DMD: variants seen among roughly 807,000 people sequenced by gnomAD.
The protein encoded by DMD is mutant dystrophin.
A neutral mutation model predicts 330.1 loss-of-function variants in DMD; 63 were observed. The observed-to-expected ratio is 0.19, with a 90% CI of 0.16 to 0.24. The LOEUF is 0.24. DMD is among the 10% of genes least tolerant of loss of function. DMD has a pLI of 1.00. For synonymous variants in DMD, 1,223 were observed against 959.8 expected, an observed-to-expected ratio of 1.27 and a Z score of -5.07; for missense variants, 3,344 against 2,684.1, an observed-to-expected ratio of 1.25 and a Z score of -5.43.
At chrX:32,911,046 T>C (rs930744042) in intron 2 of DMD, among the ~76,000 whole-genome samples, 2 of 111,910 alleles carry the variant, frequency 1.8e-5, no homozygotes, top group African/African-American at 6.5e-5. Context: ...AGCTGACACA[T>C]TTTACGAATT....
intron 9 of DMD, among the ~76,000 whole-genome samples, chrX:32,694,947 G>A (rs111745148): frequency 8.9e-6 from 1 of 111,986 alleles, no homozygotes; most frequent in East Asian, 2.8e-4. Flanking sequence ...GAGCCACCAC[G>A]CCCGGCCTTA....
Position 31,679,448 on chromosome X carries a change from C to A in DMD, c.7799G>T (p.Arg2600Ile), listed in dbSNP as rs747127624. The change falls in exon 53 of 79, where the codon AGA (arginine) becomes ATA (isoleucine). Residue 2600 changes from arginine to isoleucine, a missense_variant. Physicochemically the swap from Arg to Ile is moderately conservative, Grantham distance 97. Coordinates refer to ENST00000357033, the MANE Select transcript of DMD (RefSeq NM_004006.3). ...CTCCTTCCATGACTCAAGCTTGGCT[C>A]TGGCCTGTCCTAAGACCTGCTCAGC... is the stretch of plus-strand genomic sequence containing the variant. Reference protein sequence around the residue: ...EEAEQVLGQARAKLESWKEGP... With the variant: ...EEAEQVLGQAIAKLESWKEGP... The A allele has an allele frequency of 5.0e-6, 6 of 1,211,761 alleles. No individual in the cohort carries two copies. The Admixed American group carries it at 6.5e-5, about 13-fold the overall frequency.
chrX:32,365,029 A>T lies in DMD; in HGVS notation c.5016T>A (p.Asn1672Lys), dbSNP rs16990264. ...AVTSRAEEWL[N>K]LLLEYQKHME... Reference sequence around the variant, plus strand: ...TAGCCTTTTCTCTTACCAACAAAAGATTTAACCACTCTTCTGCTCGGGAGG... The same window carrying T: ...TAGCCTTTTCTCTTACCAACAAAAGTTTTAACCACTCTTCTGCTCGGGAGG... Residue 1672 changes from asparagine (N) to lysine (K), a missense_variant, in exon 35 of 79, where the codon AAT (asparagine) becomes AAA (lysine). Coordinates refer to ENST00000357033, the MANE Select transcript of DMD (RefSeq NM_004006.3). 3.9e-3 allele frequency: 4,685 copies of T among 1,208,793 alleles called. 95 individuals are homozygous for T. In the African/African-American group the frequency reaches 0.067, roughly 17 times the overall value.
intron 8 of DMD, 128 bp from the exon 9 acceptor site, chrX:32,698,126 T>A: frequency 1.4e-6 from 1 of 707,571 alleles, no homozygotes; most frequent in Non-Finnish European, 2.1e-6. Flanking sequence ...CAATGTTTAA[T>A]ACTAAACATA....
At chrX:33,041,466 G>A (rs1048519510) in intron 1 of DMD, 4 of 1,204,990 alleles carry the variant, frequency 3.3e-6, no homozygotes, top group Non-Finnish European at 4.5e-6. Context: ...AATAAAAAGT[G>A]ATGTATGAAA....
intron 1 of DMD, among the ~76,000 whole-genome samples, chrX:33,117,379 T>C (rs1193838966): frequency 9.0e-6 from 1 of 111,281 alleles, no homozygotes; most frequent in South Asian, 3.8e-4. Context: ...TAAAAAATTA[T>C]AATGGCAACT....
chrX:33,178,305 A>G (rs1301790148), intron 1 of DMD, among the ~76,000 whole-genome samples: 3 of 111,980 alleles, frequency 2.7e-5, no homozygotes, highest in Non-Finnish European at 5.6e-5. Flanking sequence ...TTAGACAATG[A>G]TGTTACATCG....
At chrX:32,673,451 T>C (rs1249934667) in intron 9 of DMD, among the ~76,000 whole-genome samples, 1 of 110,913 alleles carries the variant, frequency 9.0e-6, no homozygotes, top group Non-Finnish European at 1.9e-5. Context: ...AAAAAGAAAA[T>C]ATAGCTTTGT....
At chrX:33,132,363 A>G (rs1338506192) in intron 1 of DMD, among the ~76,000 whole-genome samples, 1 of 111,652 alleles carries the variant, frequency 9.0e-6, no homozygotes, top group Non-Finnish European at 1.9e-5. Context: ...GGCTCTGGGC[A>G]TTGCACCTTG....
At chrX:32,463,694 G>T in intron 24 of DMD, 100 bp from the exon 25 acceptor site, 1 of 758,036 alleles carries the variant, frequency 1.3e-6, no homozygotes, top group Non-Finnish European at 1.8e-6. Flanking sequence ...TGATGGCATT[G>T]CATATGGATT....
chrX:32,654,188 T>A (rs2060386820), intron 9 of DMD, among the ~76,000 whole-genome samples: 1 of 111,441 alleles, frequency 9.0e-6, no homozygotes, highest in South Asian at 3.8e-4. Context: ...CAACACTATG[T>A]TGAATAGGAG....
chrX:32,838,947 A>G (rs780391448), intron 4 of DMD, among the ~76,000 whole-genome samples: 13 of 112,349 alleles, frequency 1.2e-4, no homozygotes, highest in African/African-American at 4.2e-4. Flanking sequence ...AGGATTATAA[A>G]TCATTCTACT....
At chrX:31,161,633 C>T (rs1184515851) in intron 74 of DMD, among the ~76,000 whole-genome samples, 4 of 111,391 alleles carry the variant, frequency 3.6e-5, no homozygotes, top group Non-Finnish European at 5.7e-5. Context: ...CTCATTCATT[C>T]AGTGACCTTC....
At chrX:32,205,215 T>C (rs2097062389) in intron 44 of DMD, among the ~76,000 whole-genome samples, 1 of 99,262 alleles carries the variant, frequency 1.0e-5, no homozygotes, top group African/African-American at 3.8e-5. Context: ...ATTTAAAAAA[T>C]GAAATTAACC....
chrX:32,189,081 C>G (rs1332193759), intron 44 of DMD, among the ~76,000 whole-genome samples: 1 of 110,473 alleles, frequency 9.1e-6, no homozygotes, highest in Non-Finnish European at 1.9e-5. Flanking sequence ...TATTATGTAT[C>G]TATTCATAAA....
intron 29 of DMD, among the ~76,000 whole-genome samples, chrX:32,426,598 C>T (rs1219575053): frequency 2.7e-5 from 3 of 111,403 alleles, no homozygotes; most frequent in Non-Finnish European, 5.7e-5. Context: ...CACAGCAACC[C>T]CATTACCGGG....
intron 9 of DMD, among the ~76,000 whole-genome samples, chrX:32,691,319 C>CAA (rs763927104): frequency 1.2e-5 from 1 of 84,669 alleles, no homozygotes; most frequent in African/African-American, 3.9e-5. Context: ...AACTCATTGG[C>CAA]AAAAAAAAAA....
In DMD at chrX:32,565,834, C is replaced by G. The variant is rs1265879659; in HGVS notation, c.1860G>C (p.Leu620=). ...LEKKKQSMGK[L]YSLKQDLLST... ...AAAGAAGATCTTGTTTGAGTGAATA[C>G]AGTTTGCCCATGGATTGCTTTTTCT... The change falls in exon 16 of 79, where the codon CTG becomes CTC. Residue 620 remains leucine (L), a synonymous_variant. Coordinates refer to ENST00000357033, the MANE Select transcript of DMD (RefSeq NM_004006.3). 8.3e-7 allele frequency: 1 copy of G among 1,209,670 alleles called. No individual in the cohort carries two copies. The highest frequency in any genetic ancestry group is 1.7e-5 in the African/African-American group (1 of 57,210).
At chrX:31,366,533 GA>G (rs202147976) in intron 60 of DMD, among the ~76,000 whole-genome samples, 4,298 of 37,249 alleles carry the variant, frequency 0.12, 129 homozygotes, top group African/African-American at 0.19. Flanking sequence ...AAAGATAAAA[GA>G]AAAAAAAGAA....
Sources: allele counts gnomAD v4.1 joint callset (sites outside exome capture counted in the v4.1 genomes callset), GRCh38; gene constraint gnomAD v4.1.1; transcripts MANE v1.5; gene names NCBI Gene and HGNC (gene_info 2026-07-23, HGNC 2026-07-21).